The following CORIN variants were observed in gnomAD, a reference collection of about 807,000 sequenced individuals.
The protein encoded by CORIN is atrial natriuretic peptide-converting enzyme.
In CORIN, 117 loss-of-function variants were observed where a neutral mutation model predicts 125.3. That is an observed-to-expected ratio of 0.93 (90% CI 0.80 to 1.09). CORIN has a LOEUF of 1.09. Ranked by LOEUF, CORIN falls within the 50% of genes least tolerant of loss-of-function variation. The pLI, the probability that CORIN is intolerant of heterozygous loss-of-function variation, is 0.00. For missense variants in CORIN, 1,253 were observed against 1,306.7 expected, an observed-to-expected ratio of 0.96 and a Z score of 0.63; for synonymous variants, 450 against 466.4, an observed-to-expected ratio of 0.96 and a Z score of 0.45.
chr4:47,699,071 C>T (rs1726166858), intron 5 of CORIN, among the ~76,000 whole-genome samples: 1 of 152,172 alleles, frequency 6.6e-6, no homozygotes, highest in Non-Finnish European at 1.5e-5. Context: ...GTATACCCAT[C>T]GTTAGGCAAT....
intron 5 of CORIN, among the ~76,000 whole-genome samples, chr4:47,699,780 T>G (rs914941831): frequency 6.6e-6 from 1 of 152,216 alleles, no homozygotes. Flanking sequence ...TACAGTGTGA[T>G]GCTCACTCAA....
At chr4:47,704,510 T>C (rs1379947613) in intron 5 of CORIN, among the ~76,000 whole-genome samples, 1 of 151,676 alleles carries the variant, frequency 6.6e-6, no homozygotes, top group African/African-American at 2.4e-5. Flanking sequence ...TTCAAAGAGG[T>C]TGAAGTTTCA....
intron 16 of CORIN, among the ~76,000 whole-genome samples, chr4:47,628,437 C>CGTGT (rs35452886): frequency 0.025 from 3,704 of 147,426 alleles, 69 homozygotes; most frequent in South Asian, 0.04. Flanking sequence ...CACATAGTTA[C>CGTGT]GTGTGTGTGT....
At chr4:47,670,596 G>T (rs1317213227) in intron 10 of CORIN, among the ~76,000 whole-genome samples, 1 of 152,216 alleles carries the variant, frequency 6.6e-6, no homozygotes, top group African/African-American at 2.4e-5. Flanking sequence ...ACTAAAGGTT[G>T]ACGAACACTG....
In CORIN at chr4:47,683,800, A is replaced by C; in HGVS notation, c.952T>G (p.Cys318Gly). Residue 318 changes from cysteine (C) to glycine (G), a missense_variant, in exon 7 of 22, where the codon TGC (cysteine) becomes GGC (glycine). By Grantham distance (159) the Cys-to-Gly change is radical (BLOSUM62 -3). Transcript: ENST00000273857. The stretch of plus-strand genomic sequence containing the variant: ...TCACACACAAGGCTGTAATTAAGGC[A>C]CTTGCCTGTGTGACAGTGAAACAGA... ...ENLFHCHTGK[C>G]LNYSLVCDGY... The C allele has an allele frequency of 6.2e-7, 1 of 1,613,720 alleles. No individual in the cohort carries two copies. Among genetic ancestry groups the C allele is most frequent in the Non-Finnish European group, 8.5e-7 (1 of 1,179,836 alleles).
At chr4:47,636,943 G>A (rs914545510) in intron 16 of CORIN, among the ~76,000 whole-genome samples, 5 of 152,310 alleles carry the variant, frequency 3.3e-5, no homozygotes, top group African/African-American at 1.2e-4. Flanking sequence ...CTGAGAAGAA[G>A]ACAGGAAAAT....
chr4:47,737,176 G>A (rs3886429), intron 5 of CORIN, among the ~76,000 whole-genome samples: 13,894 of 152,252 alleles, frequency 0.091, 776 homozygotes, highest in East Asian at 0.27. Context: ...AAAACCAGAG[G>A]TAGACGGAGC....
At chr4:47,707,763 A>G (rs1198277595) in intron 5 of CORIN, among the ~76,000 whole-genome samples, 1 of 152,194 alleles carries the variant, frequency 6.6e-6, no homozygotes. Flanking sequence ...ATACCTGGGT[A>G]TGTACTGACC....
At chr4:47,818,067 A>G (rs562595938) in intron 1 of CORIN, among the ~76,000 whole-genome samples, 40 of 152,358 alleles carry the variant, frequency 2.6e-4, no homozygotes, top group South Asian at 1.0e-3. Flanking sequence ...GCAAAGGCTA[A>G]AAAGGCAATT....
At chr4:47,740,676 A>G (rs1728346808) in intron 5 of CORIN, among the ~76,000 whole-genome samples, 1 of 151,974 alleles carries the variant, frequency 6.6e-6, no homozygotes, top group African/African-American at 2.4e-5. Flanking sequence ...CAGGATAGCT[A>G]AAGTAATCCT....
intron 4 of CORIN, 69 bp downstream of exon 4, chr4:47,763,310 T>A: frequency 8.1e-7 from 1 of 1,227,866 alleles, no homozygotes; most frequent in Non-Finnish European, 1.2e-6. Context: ...ATTTGGATAA[T>A]TTTTTTTCTC....
intron 16 of CORIN, among the ~76,000 whole-genome samples, chr4:47,627,483 T>C (rs1282305772): frequency 1.3e-5 from 2 of 152,224 alleles, no homozygotes; most frequent in Middle Eastern, 3.2e-3. Context: ...ACAAATGTCA[T>C]ACATCCTAGC....
intron 3 of CORIN, among the ~76,000 whole-genome samples, chr4:47,774,921 G>A (rs1577912217): frequency 6.6e-6 from 1 of 152,226 alleles, no homozygotes; most frequent in Non-Finnish European, 1.5e-5. Flanking sequence ...CATAGAAGCA[G>A]AAAAGCGGAA....
rs1048727891 is a variant in CORIN at position 47,645,151 on chromosome 4, T to C, written c.1887A>G (p.Gln629=). The change falls in exon 14 of 22, where the codon CAA becomes CAG. Residue 629 remains glutamine, a synonymous_variant. Coordinates refer to ENST00000273857, the MANE Select transcript of CORIN (RefSeq NM_006587.4). The part of the protein sequence containing the change: ...RDLWECPSNK[Q]CLKHTVICDG... ...CGCAGATCACTGTGTGCTTCAAACA[T>C]TGTTTATTGGATGGACATTCCCAAA... The C allele has an allele frequency of 1.2e-6, 2 of 1,612,430 alleles. No homozygotes were observed. Among genetic ancestry groups the C allele is most frequent in the African/African-American group, 1.3e-5 (1 of 74,860 alleles).
chr4:47,628,592 C>T (rs937973219), intron 16 of CORIN, among the ~76,000 whole-genome samples: 1 of 152,144 alleles, frequency 6.6e-6, no homozygotes, highest in Non-Finnish European at 1.5e-5. Flanking sequence ...ATTACCAAAT[C>T]TTTGTACCCT....
intron 4 of CORIN, among the ~76,000 whole-genome samples, chr4:47,753,146 C>T (rs1374052681): frequency 1.3e-5 from 2 of 151,904 alleles, no homozygotes; most frequent in African/African-American, 2.4e-5. Flanking sequence ...TTGGTAGATC[C>T]GTGATGTCCC....
At chr4:47,829,157 C>CAAAAAAAA (rs35771383) in intron 1 of CORIN, among the ~76,000 whole-genome samples, 3 of 64,268 alleles carry the variant, frequency 4.7e-5, no homozygotes, top group African/African-American at 1.4e-4. Context: ...GACTCCGTCT[C>CAAAAAAAA]AAAAAAAAAA....
At chr4:47,692,159 A>G (rs1253718369) in intron 6 of CORIN, among the ~76,000 whole-genome samples, 1 of 152,232 alleles carries the variant, frequency 6.6e-6, no homozygotes, top group East Asian at 1.9e-4. Context: ...GGAGTGAAAC[A>G]CAGCTCTTGC....
intron 19 of CORIN, among the ~76,000 whole-genome samples, chr4:47,608,815 G>A (rs1001321337): frequency 5.9e-5 from 9 of 152,086 alleles, no homozygotes; most frequent in Non-Finnish European, 1.2e-4. Flanking sequence ...CAGGCACAAT[G>A]TCTCTGGAGG....
Sources: allele counts gnomAD v4.1 joint callset (sites outside exome capture counted in the v4.1 genomes callset), GRCh38; gene constraint gnomAD v4.1.1; transcripts MANE v1.5; gene names NCBI Gene and HGNC (gene_info 2026-07-23, HGNC 2026-07-21).